The following AADACL3 variants were observed in gnomAD, a reference collection of about 807,000 sequenced individuals.
AADACL3 encodes the protein arylacetamide deacetylase-like 3.
A neutral mutation model predicts 13.6 loss-of-function variants in AADACL3; 13 were observed. The observed-to-expected ratio is 0.95, with a 90% CI of 0.62 to 1.52. AADACL3 has a LOEUF of 1.52. AADACL3 is among the 40% of genes most tolerant of loss of function. The pLI is 0.00. For missense variants in AADACL3, 519 were observed against 499.2 expected (o/e 1.04, Z -0.38); for synonymous variants, 195 against 197.0 (o/e 0.99, Z 0.08).
rs982368463 is a variant in AADACL3, at chr1:12,727,564, C to T, written c.*1568C>T. The T allele has an allele frequency of 5.3e-5, 8 of 152,240 alleles. No homozygotes were observed. The highest frequency in any genetic ancestry group is 1.7e-4 in the African/African-American group (7 of 41,454). The allele number at this position is 152,240 out of a possible 1,614,324, so 9.4% of individuals were successfully genotyped here. A position where few individuals can be genotyped will look rare whatever the true frequency, so the allele number is the denominator to read the frequency against. ...GATCTTGGTTGGTTAGTGGTCTTTA[C>T]AGGCCAAGGTCAAGGCCATTGCACA... is the stretch of plus-strand genomic sequence containing the variant. On this transcript the variant is annotated 3_prime_UTR_variant, in exon 4 of 4. Transcript: ENST00000359318.
Position 12,725,717 on chromosome 1 carries a change from A to C in AADACL3, c.945A>C (p.Val315=), listed in dbSNP as rs1304221536. Residue 315 remains valine, a synonymous_variant, in exon 4 of 4, where the codon GTA becomes GTC. Coordinates refer to ENST00000359318, the MANE Select transcript of AADACL3 (RefSeq NM_001103170.3). The stretch of plus-strand genomic sequence containing the variant: ...TGAATGAAGCTGCTTACTTGGAAGT[A>C]AGTGTTGTCCTGGATGTGATGTGCT... ...EPMNEAAYLE[V]SVVLDVMCSP... is the part of the protein sequence containing the mutation. 6.2e-7 allele frequency: 1 copy of C among 1,614,124 alleles called. No homozygotes were observed. The highest frequency in any genetic ancestry group is 1.1e-5 in the South Asian group (1 of 91,076).
At position 12,719,643 on chromosome 1, in the gene AADACL3, C is replaced by A; in HGVS notation, c.337C>A (p.Pro113Thr). ...QPKASTCTLK[P>T]GIVYYHGGGG... ...CAAGGCATCCACCTGCACCCTGAAG[C>A]CTGGCATCGTGTACTACCACGGTGG... Residue 113 changes from proline (P) to threonine (T), a missense_variant, in exon 2 of 4, where the codon CCT becomes ACT. By Grantham distance (38) the Pro-to-Thr change is conservative. Coordinates refer to ENST00000359318, the MANE Select transcript of AADACL3 (RefSeq NM_001103170.3). The A allele has an allele frequency of 6.2e-7, 1 of 1,614,190 alleles. No individual in the cohort carries two copies. The highest frequency in any genetic ancestry group is 8.5e-7 in the Non-Finnish European group (1 of 1,180,032).
chr1:12,724,912 G>C (rs967644029), intron 3 of AADACL3, among the ~76,000 whole-genome samples: 1 of 152,344 alleles, frequency 6.6e-6, no homozygotes, highest in East Asian at 1.9e-4. Context: ...GCAGGAGCAG[G>C]TGAGTCAGGG....
rs1365043650 is a variant in AADACL3 at position 12,716,264 on chromosome 1, A to C, written c.88A>C (p.Thr30Pro). 10 of 1,590,060 alleles carry C rather than the reference A, an allele frequency of 6.3e-6. No homozygotes were observed. Among genetic ancestry groups the C allele is most frequent in the South Asian group, 1.1e-5 (1 of 90,550 alleles). Reference sequence around the variant, plus strand: ...GTGGGTCATTTGCAGCCATTTTTTCACTGTGCACATCCCTGCAGCGGTTGG... The same window carrying C: ...GTGGGTCATTTGCAGCCATTTTTTCCCTGTGCACATCCCTGCAGCGGTTGG... Reference protein sequence around the residue: ...TLWVICSHFFTVHIPAAVGHP... With the variant: ...TLWVICSHFFPVHIPAAVGHP... The change falls in exon 1 of 4, where the codon ACT becomes CCT. Residue 30 changes from threonine (T) to proline (P), a missense_variant. Coordinates refer to ENST00000359318, the MANE Select transcript of AADACL3 (RefSeq NM_001103170.3).
intron 2 of AADACL3, among the ~76,000 whole-genome samples, 190 bp from the exon 3 acceptor site, chr1:12,720,693 G>A (rs1638229952): frequency 6.6e-6 from 1 of 152,156 alleles, no homozygotes; most frequent in Non-Finnish European, 1.5e-5. Flanking sequence ...TGGAGGGTGG[G>A]CGTCTTAGAG....
intron 3 of AADACL3, among the ~76,000 whole-genome samples, chr1:12,721,927 C>T (rs1638269691): frequency 6.6e-6 from 1 of 152,172 alleles, no homozygotes; most frequent in Admixed American, 6.5e-5. Context: ...TTAAGTTTCC[C>T]TGTAGTTTCA....
Position 12,726,131 on chromosome 1 carries a change from C to A in AADACL3, c.*135C>A. ...TAGAGGTTGCTGTCACCTTTCTGGT[C>A]CAGGTTCTAGAACCACACAATGCAT... On this transcript the variant is annotated 3_prime_UTR_variant, in exon 4 of 4. Transcript: ENST00000359318. 1 of 994,972 alleles carries A rather than the reference C, an allele frequency of 1.0e-6. No individual in the cohort carries two copies. Among genetic ancestry groups the A allele is most frequent in the East Asian group, 2.6e-5 (1 of 38,656 alleles). 61.6% of individuals were successfully genotyped at this position (994,972 alleles called of 1,614,324 possible).
chr1:12,726,320 CA>C lies in AADACL3; in HGVS notation c.*325del. 1 of 320,110 alleles carries C rather than the reference CA, an allele frequency of 3.1e-6. No individual in the cohort carries two copies. The highest frequency in any genetic ancestry group is 5.7e-6 in the Non-Finnish European group (1 of 174,010). The allele number at this position is 320,110 out of a possible 1,614,324, so 19.8% of individuals were successfully genotyped here. A position where few individuals can be genotyped will look rare whatever the true frequency, so the allele number is the denominator to read the frequency against. Reference sequence around the variant, plus strand: ...TTCTCAGCCTCCCTAAGGGGCAGTTCAGGCTCCCAGATTGATCCAGACTGTG... The same window carrying C: ...TTCTCAGCCTCCCTAAGGGGCAGTTCGGCTCCCAGATTGATCCAGACTGTG... On this transcript the variant is annotated 3_prime_UTR_variant, in exon 4 of 4. Coordinates refer to ENST00000359318, the MANE Select transcript of AADACL3 (RefSeq NM_001103170.3).
chr1:12,718,639 G>T (rs138237645), intron 1 of AADACL3, among the ~76,000 whole-genome samples: 513 of 152,158 alleles, frequency 3.4e-3, no homozygotes, highest in African/African-American at 0.012. Flanking sequence ...CGGGAATACA[G>T]GAGCCCACCA....
At chr1:12,722,774 A>T (rs1002875964) in intron 3 of AADACL3, among the ~76,000 whole-genome samples, 10 of 151,968 alleles carry the variant, frequency 6.6e-5, no homozygotes, top group Non-Finnish European at 1.3e-4. Context: ...AATACCAGGT[A>T]GGCAGGGCAG....
intron 3 of AADACL3, among the ~76,000 whole-genome samples, chr1:12,721,694 GA>G (rs1638265624): frequency 6.6e-6 from 1 of 152,158 alleles, no homozygotes. Context: ...CAAACAACCC[GA>G]AATGCTGCCA....
chr1:12,718,335 T>G (rs1648483212), intron 1 of AADACL3, among the ~76,000 whole-genome samples: 1 of 127,836 alleles, frequency 7.8e-6, no homozygotes, highest in African/African-American at 3.1e-5. Flanking sequence ...CCAGCCTGGG[T>G]GACATAATGA....
In AADACL3 at chr1:12,726,126, C is replaced by A; in HGVS notation, c.*130C>A. The A allele has an allele frequency of 9.6e-7, 1 of 1,037,790 alleles. No individual in the cohort carries two copies. Among genetic ancestry groups the A allele is most frequent in the Non-Finnish European group, 1.4e-6 (1 of 730,266 alleles). 64.3% of individuals were successfully genotyped at this position (1,037,790 alleles called of 1,614,324 possible). A position where few individuals can be genotyped will look rare whatever the true frequency, so the allele number is the denominator to read the frequency against. The stretch of plus-strand genomic sequence containing the variant: ...GGGGGTAGAGGTTGCTGTCACCTTT[C>A]TGGTCCAGGTTCTAGAACCACACAA... On this transcript the variant is annotated 3_prime_UTR_variant, in exon 4 of 4. Transcript: ENST00000359318.
Position 12,716,201 on chromosome 1 carries a change from C to A in AADACL3, c.25C>A (p.Leu9Ile). ...CATGTGGGACCTGGCCCTGATCTTC[C>A]TCGCAGCAGCCTGCGTGTTCTCACT... is the stretch of plus-strand genomic sequence containing the variant. The part of the protein sequence containing the change: MWDLALIF[L>I]AAACVFSLGV... Residue 9 changes from leucine to isoleucine, a missense_variant, in exon 1 of 4, where the codon CTC becomes ATC. Leu to Ile is a conservative substitution (Grantham distance 5). Transcript: ENST00000359318. The A allele has an allele frequency of 9.2e-7, 1 of 1,091,750 alleles. No homozygotes were observed. 67.6% of individuals were successfully genotyped at this position (1,091,750 alleles called of 1,614,324 possible).
intron 3 of AADACL3, among the ~76,000 whole-genome samples, chr1:12,722,153 C>T (rs1449946411): frequency 6.6e-6 from 1 of 151,918 alleles, no homozygotes; most frequent in African/African-American, 2.4e-5. Flanking sequence ...ACGGTGAAAC[C>T]TTGTCTCTAC....
intron 1 of AADACL3, 52 bp from the exon 2 acceptor site, chr1:12,719,423 A>G: frequency 6.4e-7 from 1 of 1,553,762 alleles, no homozygotes; most frequent in South Asian, 1.1e-5. Context: ...CAGACTCCAG[A>G]TGGCCTGTGA....
Position 12,725,899 on chromosome 1 carries a change from T to A in AADACL3, c.1127T>A (p.Phe376Tyr). The change falls in exon 4 of 4, where the codon TTC becomes TAC. Residue 376 changes from phenylalanine (F) to tyrosine (Y), a missense_variant. By Grantham distance (22) the Phe-to-Tyr change is conservative (BLOSUM62 3). Transcript: ENST00000359318. Reference sequence around the variant, plus strand: ...ACCTGGCACCATATGGAGGATGGTTTCCATGGAGTGCTCAGGACCATTGAC... The same window carrying A: ...ACCTGGCACCATATGGAGGATGGTTACCATGGAGTGCTCAGGACCATTGAC... The part of the protein sequence containing the change: ...PVTWHHMEDG[F>Y]HGVLRTIDMS... 6.2e-7 allele frequency: 1 copy of A among 1,614,206 alleles called. No individual in the cohort carries two copies. Among genetic ancestry groups the A allele is most frequent in the Non-Finnish European group, 8.5e-7 (1 of 1,180,018 alleles).
At chr1:12,720,845 G>A (rs1638240582) in intron 2 of AADACL3, 38 bp from the exon 3 acceptor site, 2 of 1,579,660 alleles carry the variant, frequency 1.3e-6, no homozygotes, top group East Asian at 4.5e-5. Flanking sequence ...GGCAAAGGAA[G>A]CCTTCCTAGT....
Position 12,716,284 on chromosome 1 carries a change from G to A in AADACL3, c.108G>A (p.Ala36=), listed in dbSNP as rs999061516. The change falls in exon 1 of 4, where the codon GCG becomes GCA. Residue 36 remains alanine (A), a synonymous_variant. Coordinates refer to ENST00000359318, the MANE Select transcript of AADACL3 (RefSeq NM_001103170.3). ...TTTTCACTGTGCACATCCCTGCAGC[G>A]GTTGGCCACCCTGTGAAACTGAGAG... ...SHFFTVHIPA[A]VGHPVKLRVL... 4.3e-5 allele frequency: 70 copies of A among 1,612,144 alleles called. No individual in the cohort carries two copies. The highest frequency in any genetic ancestry group is 4.1e-4 in the South Asian group (37 of 91,048).
Sources: allele counts gnomAD v4.1 joint callset (sites outside exome capture counted in the v4.1 genomes callset), GRCh38; gene constraint gnomAD v4.1.1; transcripts MANE v1.5; gene names NCBI Gene and HGNC (gene_info 2026-07-23, HGNC 2026-07-21).